SYNGR2: variants seen among roughly 807,000 people sequenced by gnomAD.
SYNGR2 encodes synaptogyrin 2.
SYNGR2 carries 11 observed loss-of-function variants against 18.7 expected under a neutral mutation model. The observed-to-expected ratio is 0.59, with a 90% CI of 0.37 to 0.97. The LOEUF (loss-of-function observed/expected upper bound fraction) is 0.97. Ranked by LOEUF, SYNGR2 falls within the 50% of genes least tolerant of loss-of-function variation. SYNGR2 has a pLI of 0.01. For missense variants in SYNGR2, 253 were observed against 300.7 expected (o/e 0.84, Z 1.17); for synonymous variants, 127 against 131.0 (o/e 0.97, Z 0.21).
At position 78,172,038 on chromosome 17, in the gene SYNGR2, C is replaced by T; in HGVS notation, c.*102C>T. The T allele has an allele frequency of 6.4e-7, 1 of 1,570,064 alleles. No individual in the cohort carries two copies. Among genetic ancestry groups the T allele is most frequent in the Non-Finnish European group, 8.6e-7 (1 of 1,163,282 alleles). ...TGCCAGCCCCTCTCTTTCACCTGTTCCATCCTGTGCAGCTGACACACAGCT... is the reference window on the plus strand; with the variant it reads ...TGCCAGCCCCTCTCTTTCACCTGTTTCATCCTGTGCAGCTGACACACAGCT... On this transcript the variant is annotated 3_prime_UTR_variant, in exon 4 of 4. Transcript: ENST00000225777.
intron 1 of SYNGR2, 26 bp downstream of exon 1, chr17:78,168,741 GGC>G: frequency 1.7e-6 from 2 of 1,191,826 alleles, no homozygotes; most frequent in Non-Finnish European, 2.1e-6. Context: ...GCGGGCCGAG[GGC>G]ACCCTGGGGA....
In SYNGR2 at chr17:78,168,642, C is replaced by G. The variant is rs1041876274; in HGVS notation, c.26C>G (p.Ala9Gly). Reference protein sequence around the residue: MESGAYGAAKAGGSFDLRR... With the variant: MESGAYGAGKAGGSFDLRR... ...ATGGAGAGCGGGGCCTACGGCGCGG[C>G]CAAGGCGGGCGGCTCCTTCGACCTG... The change falls in exon 1 of 4, where the codon GCC becomes GGC. Residue 9 changes from alanine to glycine, a missense_variant. Coordinates refer to ENST00000225777, the MANE Select transcript of SYNGR2 (RefSeq NM_004710.7). The G allele has an allele frequency of 4.3e-5, 52 of 1,204,950 alleles. 1 individual carries two copies. The East Asian group carries it at 1.6e-3, about 37-fold the overall frequency. 74.6% of individuals were successfully genotyped at this position (1,204,950 alleles called of 1,614,324 possible).
rs2075657319 is a variant in SYNGR2 at position 78,171,412 on chromosome 17, C to G, written c.338-98C>G. On this transcript the variant is annotated intron_variant, in intron 2 of 3. Coordinates refer to ENST00000225777, the MANE Select transcript of SYNGR2 (RefSeq NM_004710.7). The surrounding 1 kb of genome is among the most constrained non-coding windows in gnomAD (Gnocchi z 6.6). ...CTCCCCTCCATAGTGTGGAGGCTCC[C>G]CCGGGAGGTCCCTGCCCTACCTGCC... 1 of 1,428,984 alleles carries G rather than the reference C, an allele frequency of 7.0e-7. No homozygotes were observed. 88.5% of individuals were successfully genotyped at this position (1,428,984 alleles called of 1,614,324 possible). A position where few individuals can be genotyped will look rare whatever the true frequency, so the allele number is the denominator to read the frequency against.
chr17:78,168,854 A>C (rs2145812970), intron 1 of SYNGR2, 139 bp downstream of exon 1: 1 of 696,996 alleles, frequency 1.4e-6, no homozygotes. Context: ...GCCGGCGTCC[A>C]GCGTCCCGGG....
At position 78,172,332 on chromosome 17, in the gene SYNGR2, G is replaced by T. The variant is rs755157102; in HGVS notation, c.*396G>T. ...TATCTGCGTTCTCTGCCAAAGACTC[G>T]TGGGGGCCATCACACCTGCCCTGTG... On this transcript the variant is annotated 3_prime_UTR_variant, in exon 4 of 4. Coordinates refer to ENST00000225777, the MANE Select transcript of SYNGR2 (RefSeq NM_004710.7). 2.4e-6 allele frequency: 1 copy of T among 422,674 alleles called. No individual in the cohort carries two copies. Among genetic ancestry groups the T allele is most frequent in the Non-Finnish European group, 4.3e-6 (1 of 233,424 alleles). The allele number at this position is 422,674 out of a possible 1,614,324, so 26.2% of individuals were successfully genotyped here.
upstream of SYNGR2, chr17:78,168,564 G>A: frequency 9.0e-7 from 1 of 1,105,874 alleles, no homozygotes; most frequent in Non-Finnish European, 1.1e-6. Flanking sequence ...CGGGCGGGGC[G>A]CCGGGCAGGT....
rs1368944513 is a variant in SYNGR2 at position 78,168,806 on chromosome 17, G to A, written c.99+91G>A. The A allele has an allele frequency of 2.7e-6, 3 of 1,104,518 alleles. No individual in the cohort carries two copies. The African/African-American group carries it at 5.0e-5, about 18-fold the overall frequency. 68.4% of individuals were successfully genotyped at this position (1,104,518 alleles called of 1,614,324 possible). ...GGCCCCTAGCCCACGAGCGCGACAG[G>A]TGGCGGCGGCCGCGTCCGGGGCCTG... On this transcript the variant is annotated intron_variant, in intron 1 of 3. Transcript: ENST00000225777.
At position 78,168,620 on chromosome 17, in the gene SYNGR2, G is replaced by C. The variant is rs565289012; in HGVS notation, c.4G>C (p.Glu2Gln). The change falls in exon 1 of 4, where the codon GAG (glutamate) becomes CAG (glutamine). Residue 2 changes from glutamate (E) to glutamine (Q), a missense_variant. Transcript: ENST00000225777. M[E>Q]SGAYGAAKAG... is the part of the protein sequence containing the mutation. ...CGGCAGCGGCGGCGACGGCGACATG[G>C]AGAGCGGGGCCTACGGCGCGGCCAA... 2.5e-6 allele frequency: 3 copies of C among 1,203,294 alleles called. No homozygotes were observed. The highest frequency in any genetic ancestry group is 3.2e-5 in the African/African-American group (2 of 63,304). 74.5% of individuals were successfully genotyped at this position (1,203,294 alleles called of 1,614,324 possible). A position where few individuals can be genotyped will look rare whatever the true frequency, so the allele number is the denominator to read the frequency against.
rs1250254930 is a variant in SYNGR2, at chr17:78,172,032, C to G, written c.*96C>G. On this transcript the variant is annotated 3_prime_UTR_variant, in exon 4 of 4. Transcript: ENST00000225777. ...TGGAACTGCCAGCCCCTCTCTTTCA[C>G]CTGTTCCATCCTGTGCAGCTGACAC... The G allele has an allele frequency of 1.3e-6, 2 of 1,574,774 alleles. No homozygotes were observed. Among genetic ancestry groups the G allele is most frequent in the African/African-American group, 2.7e-5 (2 of 74,222 alleles).
At chr17:78,169,963 G>A (rs1308009759) in intron 1 of SYNGR2, 1 of 152,506 alleles carries the variant, frequency 6.6e-6, no homozygotes, top group African/African-American at 2.4e-5. Flanking sequence ...GAACCAGGGA[G>A]GGTTCCAGGG....
Position 78,171,488 on chromosome 17 carries a change from C to T in SYNGR2, c.338-22C>T, listed in dbSNP as rs772766603. On this transcript the variant is annotated intron_variant, in intron 2 of 3. Coordinates refer to ENST00000225777, the MANE Select transcript of SYNGR2 (RefSeq NM_004710.7). This position sits in a 1 kb window ranked among gnomAD's most constrained non-coding sequence, Gnocchi z 6.6. Reference sequence around the variant, plus strand: ...AGCCCCTCCCTTTCCATGGAACTGACGCTTCACCCGTCCTCCCCCAGCTCT... The same window carrying T: ...AGCCCCTCCCTTTCCATGGAACTGATGCTTCACCCGTCCTCCCCCAGCTCT... The T allele has an allele frequency of 2.0e-5, 31 of 1,515,174 alleles. No homozygotes were observed. The highest frequency in any genetic ancestry group is 1.8e-4 in the African/African-American group (13 of 71,600). The allele number at this position is 1,515,174 out of a possible 1,614,324, so 93.9% of individuals were successfully genotyped here.
chr17:78,170,840 C>A lies in SYNGR2; in HGVS notation c.123C>A (p.Ser41=). ...VCLVFALIVF[S]CIYGEGYSNA... ...AGGTCTTCGCCTTGATCGTGTTCTC[C>A]TGCATCTATGGTGAGGGCTACAGCA... Residue 41 remains serine (S), a synonymous_variant, in exon 2 of 4, where the codon TCC becomes TCA. Coordinates refer to ENST00000225777, the MANE Select transcript of SYNGR2 (RefSeq NM_004710.7). 6.2e-7 allele frequency: 1 copy of A among 1,612,046 alleles called. No individual in the cohort carries two copies. The highest frequency in any genetic ancestry group is 8.5e-7 in the Non-Finnish European group (1 of 1,179,664).
chr17:78,169,308 C>T (rs1450463964), intron 1 of SYNGR2: 1 of 149,456 alleles, frequency 6.7e-6, no homozygotes, highest in Non-Finnish European at 1.5e-5. Context: ...ACAGCCAGCC[C>T]TGAAAGCTGG....
chr17:78,171,563 G>A lies in SYNGR2; in HGVS notation c.391G>A (p.Ala131Thr), dbSNP rs747280523. Reference sequence around the variant, plus strand: ...TTTCTGCTTCCTCACCAACCAGTGGGCAGTCACCAACCCGAAGGACGTGCT... The same window carrying A: ...TTTCTGCTTCCTCACCAACCAGTGGACAGTCACCAACCCGAAGGACGTGCT... ...VGFCFLTNQW[A>T]VTNPKDVLVG... Residue 131 changes from alanine (A) to threonine (T), a missense_variant, in exon 3 of 4, where the codon GCA becomes ACA. By Grantham distance (58) the Ala-to-Thr change is moderately conservative. Coordinates refer to ENST00000225777, the MANE Select transcript of SYNGR2 (RefSeq NM_004710.7). The surrounding 1 kb of genome is among the most constrained non-coding windows in gnomAD (Gnocchi z 6.6). The A allele has an allele frequency of 6.5e-7, 1 of 1,538,606 alleles. No individual in the cohort carries two copies. Among genetic ancestry groups the A allele is most frequent in the Non-Finnish European group, 8.8e-7 (1 of 1,142,194 alleles).
chr17:78,172,875 C>T (rs1224189301), downstream of SYNGR2: 1 of 152,334 alleles, frequency 6.6e-6, no homozygotes, highest in African/African-American at 2.4e-5. Flanking sequence ...TTCCCTCTGT[C>T]TGGGGTCGCA....
At chr17:78,168,759 T>A in intron 1 of SYNGR2, 44 bp downstream of exon 1, 1 of 1,183,410 alleles carries the variant, frequency 8.5e-7, no homozygotes, top group Non-Finnish European at 1.0e-6. Context: ...GGGGACCCCC[T>A]CTCCGTCGCC....
chr17:78,169,007 G>A (rs1372024006), intron 1 of SYNGR2, among the ~76,000 whole-genome samples: 1 of 152,164 alleles, frequency 6.6e-6, no homozygotes, highest in Non-Finnish European at 1.5e-5. Context: ...GCTGGCAGTG[G>A]GAGGAGTTTG....
In SYNGR2 at chr17:78,171,761, A is replaced by G. The variant is rs765721436; in HGVS notation, c.500A>G (p.Tyr167Cys). ...FSWGVLASLAYQRYKAGVDDF... is the reference protein window; with the variant it reads ...FSWGVLASLACQRYKAGVDDF... ...CAGGGTGTGCTGGCCTCCCTGGCCT[A>G]CCAGCGCTACAAGGCTGGCGTGGAC... is the stretch of plus-strand genomic sequence containing the variant. The change falls in exon 4 of 4, where the codon TAC (tyrosine) becomes TGC (cysteine). Residue 167 changes from tyrosine (Y) to cysteine (C), a missense_variant. Physicochemically the swap from Tyr to Cys is radical, Grantham distance 194. Coordinates refer to ENST00000225777, the MANE Select transcript of SYNGR2 (RefSeq NM_004710.7). The surrounding 1 kb of genome is among the most constrained non-coding windows in gnomAD (Gnocchi z 6.6). The G allele has an allele frequency of 6.2e-7, 1 of 1,613,898 alleles. No homozygotes were observed. Among genetic ancestry groups the G allele is most frequent in the Non-Finnish European group, 8.5e-7 (1 of 1,179,934 alleles).
rs1247917163 is a variant in SYNGR2, at chr17:78,171,764, A to T, written c.503A>T (p.Gln168Leu). Residue 168 changes from glutamine to leucine, a missense_variant, in exon 4 of 4, where the codon CAG becomes CTG. Physicochemically the swap from Gln to Leu is moderately radical, Grantham distance 113. Transcript: ENST00000225777. This position sits in a 1 kb window ranked among gnomAD's most constrained non-coding sequence, Gnocchi z 6.6. ...SWGVLASLAY[Q>L]RYKAGVDDFI... ...GGTGTGCTGGCCTCCCTGGCCTACC[A>T]GCGCTACAAGGCTGGCGTGGACGAC... The T allele has an allele frequency of 6.2e-7, 1 of 1,613,832 alleles. No homozygotes were observed. Among genetic ancestry groups the T allele is most frequent in the Admixed American group, 1.7e-5 (1 of 60,002 alleles).
Sources: gnomAD v4.1 joint callset for allele counts (sites outside exome capture counted in the v4.1 genomes callset) on GRCh38, gnomAD v4.1.1 for gene constraint, Gnocchi (gnomAD v3.1) non-coding constraint, MANE v1.5 for transcripts, NCBI Gene and HGNC (gene_info 2026-07-23, HGNC 2026-07-21) for gene names.